The following IGSF11 variants were observed in gnomAD, a reference collection of about 807,000 sequenced individuals.
IGSF11 encodes immunoglobulin superfamily member 11.
A neutral mutation model predicts 41.0 loss-of-function variants in IGSF11; 22 were observed. That is an observed-to-expected ratio of 0.54 (90% confidence interval 0.38 to 0.77). The LOEUF (loss-of-function observed/expected upper bound fraction) is 0.77. IGSF11 is among the 30% of genes least tolerant of loss of function. The probability of loss-of-function intolerance (pLI) is 0.00; values close to 1 mark genes in which losing one functional copy is unlikely to be tolerated. For synonymous variants in IGSF11, 219 were observed against 201.3 expected, an observed-to-expected ratio of 1.09 and a Z score of -0.74; for missense variants, 444 against 530.8, an observed-to-expected ratio of 0.84 and a Z score of 1.61.
At chr3:118,940,377 T>C (rs1028025920) in intron 1 of IGSF11, among the ~76,000 whole-genome samples, 5 of 152,172 alleles carry the variant, frequency 3.3e-5, no homozygotes, top group African/African-American at 1.2e-4. Flanking sequence ...GATTTTTCTA[T>C]ACAGTAGCAA....
chr3:118,977,721 C>A (rs963528846), intron 1 of IGSF11, among the ~76,000 whole-genome samples: 1 of 152,126 alleles, frequency 6.6e-6, no homozygotes, highest in African/African-American at 2.4e-5. Context: ...AGGGGAGAGC[C>A]CTTTGACCCT....
chr3:119,023,940 G>T (rs1939569715), intron 1 of IGSF11, among the ~76,000 whole-genome samples: 1 of 152,130 alleles, frequency 6.6e-6, no homozygotes, highest in African/African-American at 2.4e-5. Flanking sequence ...GCAGGCAGAT[G>T]GCTTGGTCAT....
At chr3:119,089,019 C>T (rs145282014) in intron 1 of IGSF11, among the ~76,000 whole-genome samples, 14 of 152,160 alleles carry the variant, frequency 9.2e-5, no homozygotes, top group Admixed American at 7.9e-4. Flanking sequence ...ATAACTGATA[C>T]GAATTCTGCT....
intron 1 of IGSF11, among the ~76,000 whole-genome samples, chr3:119,089,294 T>G (rs1207535067): frequency 6.6e-6 from 1 of 151,776 alleles, no homozygotes; most frequent in Non-Finnish European, 1.5e-5. Context: ...CCAAAAAATG[T>G]TTCACCACAT....
At chr3:119,007,684 C>T (rs1453827649) in intron 1 of IGSF11, among the ~76,000 whole-genome samples, 1 of 152,154 alleles carries the variant, frequency 6.6e-6, no homozygotes, top group African/African-American at 2.4e-5. Context: ...TGCTTTAACC[C>T]ATCTCCCAAC....
chr3:119,142,274 C>CAA (rs11328968), intron 1 of IGSF11, among the ~76,000 whole-genome samples: 1,939 of 81,624 alleles, frequency 0.024, 79 homozygotes, highest in African/African-American at 0.083. Context: ...GACTCCATCT[C>CAA]AAAAAAAAAA....
chr3:119,143,948 ATAAT>A (rs59517855), intron 1 of IGSF11, among the ~76,000 whole-genome samples: 248 of 151,804 alleles, frequency 1.6e-3, no homozygotes, highest in African/African-American at 5.7e-3. Flanking sequence ...TTTATAGAAA[ATAAT>A]TATTTGTAGA....
chr3:119,013,894 C>T (rs947568366), intron 1 of IGSF11, among the ~76,000 whole-genome samples: 6 of 152,204 alleles, frequency 3.9e-5, no homozygotes, highest in African/African-American at 1.2e-4. Flanking sequence ...AGATTAAACA[C>T]TACTTTTGGT....
At chr3:119,125,840 C>T (rs1471225197) in intron 1 of IGSF11, among the ~76,000 whole-genome samples, 3 of 152,162 alleles carry the variant, frequency 2.0e-5, no homozygotes, top group Non-Finnish European at 4.4e-5. Context: ...ACCACCTCTC[C>T]CCAGCCAAGG....
chr3:119,113,493 A>T (rs2077212791), intron 1 of IGSF11, among the ~76,000 whole-genome samples: 1 of 152,218 alleles, frequency 6.6e-6, no homozygotes, highest in African/African-American at 2.4e-5. Context: ...TTAAAGCTTC[A>T]AAATAACCTC....
intron 1 of IGSF11, among the ~76,000 whole-genome samples, chr3:119,083,836 A>G (rs1229827713): frequency 6.6e-6 from 1 of 152,210 alleles, no homozygotes; most frequent in Non-Finnish European, 1.5e-5. Flanking sequence ...GTTTTTGATC[A>G]TTCTTTTAGA....
rs893474601 is a variant in IGSF11, at chr3:119,064,008, T to C, written c.49+41136A>G. ...TCATGGAGTTGCACATGTTCCATTATAGTGGTCCAGAAAGTGCAGAGTAGC... is the reference window on the plus strand; with the variant it reads ...TCATGGAGTTGCACATGTTCCATTACAGTGGTCCAGAAAGTGCAGAGTAGC... On this transcript the variant is annotated intron_variant, in intron 1 of 6. Coordinates refer to the IGSF11 transcript ENST00000354673. Among the ~76,000 whole-genome samples the C allele has an allele frequency of 6.6e-5, 10 of 152,192 alleles. No individual in the cohort carries two copies. In the East Asian group the frequency reaches 1.7e-3, roughly 26 times the overall value.
chr3:118,927,741 G>T, intron 3 of IGSF11, among the ~76,000 whole-genome samples: 1 of 152,162 alleles, frequency 6.6e-6, no homozygotes, highest in East Asian at 1.9e-4. Flanking sequence ...CATCTCCCCA[G>T]ATGAACTGAG....
chr3:118,976,533 T>A (rs1934125298), intron 1 of IGSF11, among the ~76,000 whole-genome samples: 1 of 152,194 alleles, frequency 6.6e-6, no homozygotes, highest in Non-Finnish European at 1.5e-5. Context: ...GATCTGGGGT[T>A]CCAAGGAAGT....
chr3:119,007,492 G>C (rs1937583755), intron 1 of IGSF11, among the ~76,000 whole-genome samples: 1 of 152,090 alleles, frequency 6.6e-6, no homozygotes, highest in Non-Finnish European at 1.5e-5. Context: ...TCCTCCCCCA[G>C]ATTCATTATT....
chr3:118,934,637 T>G (rs1002445488), intron 1 of IGSF11, among the ~76,000 whole-genome samples: 5 of 152,186 alleles, frequency 3.3e-5, no homozygotes, highest in African/African-American at 1.2e-4. Flanking sequence ...CAAAGGCACC[T>G]CAAAAGTGTG....
chr3:118,947,182 C>G (rs1944217534), intron 1 of IGSF11: 1 of 152,166 alleles, frequency 6.6e-6, no homozygotes, highest in Admixed American at 6.5e-5. Context: ...TCACAACATT[C>G]CAATTTAATC....
chr3:118,969,353 A>G (rs1302729906), intron 1 of IGSF11, among the ~76,000 whole-genome samples: 4 of 152,224 alleles, frequency 2.6e-5, no homozygotes, highest in Non-Finnish European at 4.4e-5. Context: ...GTAAGTGGGA[A>G]AAGTATACAC....
intron 6 of IGSF11, 23 bp from the exon 7 acceptor site, chr3:118,902,984 G>A (rs767881192): frequency 2.2e-5 from 35 of 1,601,672 alleles, no homozygotes; most frequent in Middle Eastern, 1.7e-4. Flanking sequence ...AAATAAAGTC[G>A]TTGTTAGGAT....
Sources: gnomAD v4.1 joint callset for allele counts (sites outside exome capture counted in the v4.1 genomes callset) on GRCh38, gnomAD v4.1.1 for gene constraint, MANE v1.5 for transcripts, NCBI Gene and HGNC (gene_info 2026-07-23, HGNC 2026-07-21) for gene names.